Variants in PLCL1 observed in about 807,000 individuals in gnomAD.
The protein encoded by PLCL1 is inactive phospholipase C-like protein 1.
In PLCL1, 41 loss-of-function variants were observed where a neutral mutation model predicts 84.4. That is an observed-to-expected ratio of 0.49 (90% confidence interval 0.38 to 0.63). The LOEUF is 0.63. PLCL1 is among the 30% of genes least tolerant of loss of function. The pLI is 0.00. For missense variants in PLCL1, 1,206 were observed against 1,367.8 expected (o/e 0.88, Z 1.87); for synonymous variants, 490 against 488.3 (o/e 1.00, Z -0.05).
intron 1 of PLCL1, among the ~76,000 whole-genome samples, chr2:197,944,524 CT>C (rs1213500928): frequency 2.6e-5 from 4 of 152,096 alleles, no homozygotes; most frequent in African/African-American, 9.7e-5. Context: ...AACTAGCTCT[CT>C]GAAACAAAAC....
Position 197,985,084 on chromosome 2 carries a change from G to A in PLCL1, c.241-98674G>A, listed in dbSNP as rs182491592. Among the ~76,000 whole-genome samples, 673 of 152,218 alleles carry A rather than the reference G, an allele frequency of 4.4e-3. 3 individuals are homozygous for A. The highest frequency in any genetic ancestry group is 0.017 in the Middle Eastern group (5 of 294). ...GCACAGCAATTTTTTGAGGCATTTAGAAATTCCCAGATGTACTACCATGGG... is the reference window on the plus strand; with the variant it reads ...GCACAGCAATTTTTTGAGGCATTTAAAAATTCCCAGATGTACTACCATGGG... On this transcript the variant is annotated intron_variant, in intron 1 of 5. Coordinates refer to ENST00000428675, the MANE Select transcript of PLCL1 (RefSeq NM_006226.4).
At position 197,926,668 on chromosome 2, in the gene PLCL1, C is replaced by T. The variant is rs74550399; in HGVS notation, c.240+121329C>T. Among the ~76,000 whole-genome samples, 1,431 of 152,260 alleles carry T rather than the reference C, an allele frequency of 9.4e-3. 25 individuals are homozygous for T. The highest frequency in any genetic ancestry group is 0.033 in the African/African-American group (1,357 of 41,538). ...TTATCATTTGTCTACTATTGGCCTGCGCATTTGCTGAAACTGCAGCCTATT... is the reference window on the plus strand; with the variant it reads ...TTATCATTTGTCTACTATTGGCCTGTGCATTTGCTGAAACTGCAGCCTATT... On this transcript the variant is annotated intron_variant, in intron 1 of 5. Transcript: ENST00000428675.
chr2:198,140,011 G>A (rs1388076082), intron 5 of PLCL1, among the ~76,000 whole-genome samples: 1 of 151,856 alleles, frequency 6.6e-6, no homozygotes, highest in African/African-American at 2.4e-5. Flanking sequence ...TTGGCTCAAT[G>A]CAGCCTCCAC....
At position 197,993,302 on chromosome 2, in the gene PLCL1, A is replaced by G. The variant is rs1323439449; in HGVS notation, c.241-90456A>G. The stretch of plus-strand genomic sequence containing the variant: ...TCATGTGCTTTTTGGCCATTTGTAT[A>G]TCTTCTTTGGAGAAATGTCTATTCA... On this transcript the variant is annotated intron_variant, in intron 1 of 5. Transcript: ENST00000428675. 2.6e-5 allele frequency among the ~76,000 whole-genome samples: 4 copies of G among 152,046 alleles called. No homozygotes were observed. In the East Asian group the frequency reaches 7.7e-4, roughly 29 times the overall value.
At chr2:197,961,045 A>G (rs1374980806) in intron 1 of PLCL1, among the ~76,000 whole-genome samples, 1 of 152,088 alleles carries the variant, frequency 6.6e-6, no homozygotes. Context: ...GTTTCTCTTT[A>G]ATAATCTCAA....
Position 197,978,917 on chromosome 2 carries a change from C to T in PLCL1, c.241-104841C>T, listed in dbSNP as rs796272345. Among the ~76,000 whole-genome samples the T allele has an allele frequency of 1.3e-4, 20 of 152,340 alleles. 1 individual carries two copies. The highest frequency in any genetic ancestry group is 4.6e-4 in the African/African-American group (19 of 41,574). ...GCAGATATGGGGAGAACCTGCAACT[C>T]CACACAGACAATGGCCTCGTCTGGG... On this transcript the variant is annotated intron_variant, in intron 1 of 5. Transcript: ENST00000428675.
intron 1 of PLCL1, among the ~76,000 whole-genome samples, chr2:197,988,620 T>C (rs923204997): frequency 1.3e-5 from 2 of 152,226 alleles, no homozygotes; most frequent in Non-Finnish European, 2.9e-5. Context: ...AACCACTCAT[T>C]GATTGATGGG....
intron 5 of PLCL1, among the ~76,000 whole-genome samples, chr2:198,125,449 G>A (rs58116942): frequency 0.039 from 6,003 of 152,020 alleles, 381 homozygotes; most frequent in African/African-American, 0.14. Flanking sequence ...GAGGAGTATT[G>A]GAATCTGTTA....
At chr2:198,096,184 A>T (rs578205521) in intron 3 of PLCL1, among the ~76,000 whole-genome samples, 188 of 152,268 alleles carry the variant, frequency 1.2e-3, no homozygotes, top group African/African-American at 4.5e-3. Flanking sequence ...TAAAAAGGGA[A>T]GTAGTCACAC....
chr2:198,023,083 G>C (rs1296293533), intron 1 of PLCL1, among the ~76,000 whole-genome samples: 1 of 152,118 alleles, frequency 6.6e-6, no homozygotes, highest in Non-Finnish European at 1.5e-5. Flanking sequence ...AGAGACCTCA[G>C]AAATAACACC....
intron 1 of PLCL1, among the ~76,000 whole-genome samples, chr2:197,834,988 T>C (rs1244436069): frequency 3.9e-5 from 6 of 152,242 alleles, no homozygotes; most frequent in African/African-American, 9.6e-5. Flanking sequence ...GATGAGTTCA[T>C]GTCCTTTGTA....
chr2:197,954,190 G>T (rs912141368), intron 1 of PLCL1, among the ~76,000 whole-genome samples: 13 of 152,102 alleles, frequency 8.5e-5, no homozygotes, highest in African/African-American at 3.1e-4. Flanking sequence ...CCAGCTAAAG[G>T]CTCTTGATCC....
At chr2:197,993,834 G>A (rs1314078597) in intron 1 of PLCL1, among the ~76,000 whole-genome samples, 1 of 152,140 alleles carries the variant, frequency 6.6e-6, no homozygotes, top group African/African-American at 2.4e-5. Context: ...TCAGTCTCTT[G>A]GGCATAGAGC....
At chr2:197,890,438 G>A (rs1687992837) in intron 1 of PLCL1, among the ~76,000 whole-genome samples, 1 of 151,982 alleles carries the variant, frequency 6.6e-6, no homozygotes, top group African/African-American at 2.4e-5. Context: ...TCCTTGGAAG[G>A]AGAATAAATG....
rs1168581766 is a variant in PLCL1 at position 198,147,384 on chromosome 2, T to A, written c.*422T>A. On this transcript the variant is annotated 3_prime_UTR_variant, in exon 6 of 6. Coordinates refer to ENST00000428675, the MANE Select transcript of PLCL1 (RefSeq NM_006226.4). ...GAGCACTTACTGTAACCTGTTGCTG[T>A]GTTTAATTTGACTTCTCTGCCTTTG... The A allele has an allele frequency of 6.5e-6, 1 of 152,852 alleles. No individual in the cohort carries two copies. The highest frequency in any genetic ancestry group is 1.5e-5 in the Non-Finnish European group (1 of 68,370). 9.5% of individuals were successfully genotyped at this position (152,852 alleles called of 1,614,324 possible).
chr2:197,890,701 T>TATATATATATATACACAC (rs11270566), intron 1 of PLCL1, among the ~76,000 whole-genome samples: 4 of 118,544 alleles, frequency 3.4e-5, no homozygotes, highest in East Asian at 2.1e-4. Flanking sequence ...TATATATATA[T>TATATATATATATACACAC]ACACACACAC....
At chr2:197,955,345 C>G (rs1187257158) in intron 1 of PLCL1, among the ~76,000 whole-genome samples, 1 of 151,814 alleles carries the variant, frequency 6.6e-6, no homozygotes, top group Admixed American at 6.6e-5. Flanking sequence ...CAGCCTTGTT[C>G]CTATAACTCT....
chr2:197,868,802 C>T (rs2105702582), intron 1 of PLCL1, among the ~76,000 whole-genome samples: 1 of 152,012 alleles, frequency 6.6e-6, no homozygotes, highest in East Asian at 1.9e-4. Context: ...AGGCATGAGC[C>T]ACCATACCTG....
intron 1 of PLCL1, among the ~76,000 whole-genome samples, chr2:197,985,878 G>C (rs980771416): frequency 6.6e-6 from 1 of 152,172 alleles, no homozygotes; most frequent in African/African-American, 2.4e-5. Flanking sequence ...ATTACTGTAG[G>C]AATAGACTAC....
Sources: gnomAD v4.1 joint callset for allele counts (sites outside exome capture counted in the v4.1 genomes callset) on GRCh38, gnomAD v4.1.1 for gene constraint, MANE v1.5 for transcripts, NCBI Gene and HGNC (gene_info 2026-07-23, HGNC 2026-07-21) for gene names.